TIAM2: variants seen among roughly 807,000 people sequenced by gnomAD.
The protein encoded by TIAM2 is rho guanine nucleotide exchange factor TIAM2.
TIAM2 carries 80 observed loss-of-function variants against 152.9 expected under a neutral mutation model. That is an observed-to-expected ratio of 0.52 (90% confidence interval 0.44 to 0.63). The LOEUF is 0.63. TIAM2 is among the 30% of genes least tolerant of loss of function. The pLI, the probability that TIAM2 is intolerant of heterozygous loss-of-function variation, is 0.00. For missense variants in TIAM2, 1,965 were observed against 2,120.1 expected (o/e 0.93, Z 1.44); for synonymous variants, 804 against 838.0 (o/e 0.96, Z 0.70).
At position 155,111,306 on chromosome 6, in the gene TIAM2, C is replaced by A. The variant is rs6902749; in HGVS notation, c.-117-16184C>A. Among the ~76,000 whole-genome samples the A allele has an allele frequency of 8.5e-5, 5 of 59,170 alleles. No homozygotes were observed. In the East Asian group the frequency reaches 4.1e-3, roughly 48 times the overall value. 38.8% of individuals were successfully genotyped at this position (59,170 alleles called of 152,430 possible). On this transcript the variant is annotated intron_variant, in intron 2 of 26. Coordinates refer to ENST00000682666, the MANE Select transcript of TIAM2 (RefSeq NM_012454.4). ...TCCATATATTCTTGGAATACACACACACACACACACACACACACACACACA... is the reference window on the plus strand; with the variant it reads ...TCCATATATTCTTGGAATACACACAAACACACACACACACACACACACACA...
intron 1 of TIAM2, among the ~76,000 whole-genome samples, chr6:155,031,191 G>T (rs1257795681): frequency 6.6e-6 from 1 of 152,082 alleles, no homozygotes; most frequent in Non-Finnish European, 1.5e-5. Flanking sequence ...CTCCTTAAAG[G>T]TGTAACACCT....
chr6:155,118,293 G>A (rs2115018750), intron 2 of TIAM2, among the ~76,000 whole-genome samples: 1 of 152,222 alleles, frequency 6.6e-6, no homozygotes, highest in East Asian at 1.9e-4. Context: ...CTTTCTCCAT[G>A]TATTCTCTTG....
At chr6:155,200,148 G>A (rs1291447384) in intron 14 of TIAM2, among the ~76,000 whole-genome samples, 2 of 152,098 alleles carry the variant, frequency 1.3e-5, no homozygotes, top group Non-Finnish European at 2.9e-5. Flanking sequence ...AGATGTGATC[G>A]GATTGCTGAT....
intron 1 of TIAM2, among the ~76,000 whole-genome samples, chr6:155,056,309 C>T (rs1409550491): frequency 6.6e-6 from 1 of 151,280 alleles, no homozygotes; most frequent in African/African-American, 2.4e-5. Flanking sequence ...GTAGCTGGGA[C>T]TGTCGGCGCC....
At chr6:155,093,254 A>C (rs1292429135) in intron 2 of TIAM2, among the ~76,000 whole-genome samples, 2 of 152,254 alleles carry the variant, frequency 1.3e-5, no homozygotes, top group East Asian at 3.9e-4. Context: ...ATGAAAATGT[A>C]TGTCACACTC....
chr6:155,085,025 A>G (rs1053825473), intron 1 of TIAM2, among the ~76,000 whole-genome samples: 2 of 152,144 alleles, frequency 1.3e-5, no homozygotes, highest in African/African-American at 4.8e-5. Flanking sequence ...TCCACCTGTA[A>G]ATGGAGACTC....
chr6:155,039,395 A>T (rs75758595), intron 1 of TIAM2, among the ~76,000 whole-genome samples: 2,161 of 152,176 alleles, frequency 0.014, 34 homozygotes, highest in East Asian at 0.057. Flanking sequence ...TGAGTCTGAG[A>T]TGTAAGAAAT....
chr6:155,043,283 C>T (rs1434343812), intron 1 of TIAM2, among the ~76,000 whole-genome samples: 3 of 152,162 alleles, frequency 2.0e-5, no homozygotes, highest in Non-Finnish European at 2.9e-5. Context: ...TGAGAATCGT[C>T]TGTGGAGTTG....
chr6:155,048,188 A>C (rs945988130), intron 1 of TIAM2, among the ~76,000 whole-genome samples: 2 of 152,142 alleles, frequency 1.3e-5, no homozygotes, highest in Admixed American at 1.3e-4. Context: ...CCTGACCTCA[A>C]GTGATCTGCC....
At chr6:155,238,768 G>A (rs1341661743) in intron 15 of TIAM2, among the ~76,000 whole-genome samples, 1 of 152,210 alleles carries the variant, frequency 6.6e-6, no homozygotes, top group Non-Finnish European at 1.5e-5. Context: ...ATTCCAGATT[G>A]CCTTAGGCTA....
At chr6:155,227,911 A>G (rs946065152) in intron 15 of TIAM2, among the ~76,000 whole-genome samples, 4 of 152,200 alleles carry the variant, frequency 2.6e-5, no homozygotes. Flanking sequence ...GAATGGGCGC[A>G]ACCGAATTAT....
At chr6:155,064,686 C>T (rs1034773014) in intron 1 of TIAM2, among the ~76,000 whole-genome samples, 1 of 152,152 alleles carries the variant, frequency 6.6e-6, no homozygotes, top group Non-Finnish European at 1.5e-5. Flanking sequence ...AATTATGCTC[C>T]ATGGCTTGTT....
chr6:155,049,756 TACTTTCATTTAAA>T (rs1353145126), intron 1 of TIAM2, among the ~76,000 whole-genome samples: 2 of 151,858 alleles, frequency 1.3e-5, no homozygotes, highest in African/African-American at 4.8e-5. Context: ...GCAAGGAAGA[TACTTTCATTTAAA>T]ACTTTCCTTT....
intron 15 of TIAM2, among the ~76,000 whole-genome samples, chr6:155,235,831 A>G (rs1782723131): frequency 6.6e-6 from 1 of 152,242 alleles, no homozygotes; most frequent in African/African-American, 2.4e-5. Flanking sequence ...CTGTTTTTCT[A>G]AAATGGCAAG....
chr6:155,230,999 ATTT>A (rs144375888), intron 15 of TIAM2, among the ~76,000 whole-genome samples: 1 of 146,904 alleles, frequency 6.8e-6, no homozygotes, highest in Non-Finnish European at 1.5e-5. Flanking sequence ...AGCCTGGCTA[ATTT>A]TTTTTTTTTT....
At chr6:155,138,911 G>GT (rs1045129953) in intron 5 of TIAM2, among the ~76,000 whole-genome samples, 5 of 152,116 alleles carry the variant, frequency 3.3e-5, no homozygotes, top group Admixed American at 2.0e-4. Context: ...CATGAGAAAA[G>GT]TTTTTTATAA....
intron 23 of TIAM2, 88 bp downstream of exon 23, chr6:155,252,091 A>G: frequency 1.9e-6 from 2 of 1,047,052 alleles, no homozygotes; most frequent in Non-Finnish European, 2.8e-6. Flanking sequence ...ACTGAGCACC[A>G]AGGCTGGGCT....
chr6:155,050,076 A>G (rs1777284649), intron 1 of TIAM2, among the ~76,000 whole-genome samples: 1 of 152,222 alleles, frequency 6.6e-6, no homozygotes, highest in Non-Finnish European at 1.5e-5. Flanking sequence ...CATAAAATGG[A>G]TCCTCCTGGT....
At chr6:155,052,553 G>T (rs1777341184) in intron 1 of TIAM2, among the ~76,000 whole-genome samples, 1 of 152,020 alleles carries the variant, frequency 6.6e-6, no homozygotes, top group Admixed American at 6.6e-5. Flanking sequence ...ATCATTTGCG[G>T]TCAGGATCTC....
Sources: gnomAD v4.1 joint callset for allele counts (sites outside exome capture counted in the v4.1 genomes callset) on GRCh38, gnomAD v4.1.1 for gene constraint, MANE v1.5 for transcripts, NCBI Gene and HGNC (gene_info 2026-07-23, HGNC 2026-07-21) for gene names.